RAB38: variants seen among roughly 807,000 people sequenced by gnomAD.
RAB38 encodes the protein RAB38, member RAS oncogene family, also known as ras-related protein Rab-38.
RAB38 carries 15 observed loss-of-function variants against 18.4 expected under a neutral mutation model. That is an observed-to-expected ratio of 0.82 (90% CI 0.55 to 1.26). The LOEUF (loss-of-function observed/expected upper bound fraction) is 1.26. Ranked by LOEUF, RAB38 falls within the 50% of genes most tolerant of loss-of-function variation. The pLI is 0.00. For synonymous variants in RAB38, 101 were observed against 104.4 expected (o/e 0.97, Z 0.20); for missense variants, 294 against 267.4 (o/e 1.10, Z -0.69).
the RAB38 span, among the ~76,000 whole-genome samples, chr11:87,873,526 A>C: frequency 6.6e-6 from 1 of 151,518 alleles, no homozygotes; most frequent in South Asian, 2.1e-4. Flanking sequence ...AGTAATCACC[A>C]AACCCAACCC....
intron 2 of RAB38, among the ~76,000 whole-genome samples, chr11:88,147,048 G>C (rs1942996588): frequency 6.6e-6 from 1 of 152,202 alleles, no homozygotes; most frequent in Non-Finnish European, 1.5e-5. Flanking sequence ...AGAGTGAGGT[G>C]AAAAATGTCT....
chr11:87,949,497 G>A, the RAB38 span, among the ~76,000 whole-genome samples: 1 of 152,110 alleles, frequency 6.6e-6, no homozygotes, highest in African/African-American at 2.4e-5. Context: ...GTCAATTTTA[G>A]ATCTTTCCTG....
At chr11:88,083,672 C>T in the RAB38 span, among the ~76,000 whole-genome samples, 6 of 151,830 alleles carry the variant, frequency 4.0e-5, no homozygotes, top group South Asian at 6.2e-4. Flanking sequence ...AGGGCTCTGC[C>T]GTCATGAATG....
chr11:88,022,620 A>AC, the RAB38 span, among the ~76,000 whole-genome samples: 20 of 145,128 alleles, frequency 1.4e-4, no homozygotes, highest in Admixed American at 3.4e-4. Flanking sequence ...ACAAAAAAAA[A>AC]AAAAAAAAAA....
chr11:87,849,052 A>G, the RAB38 span, among the ~76,000 whole-genome samples: 1 of 152,056 alleles, frequency 6.6e-6, no homozygotes, highest in Admixed American at 6.6e-5. Context: ...CACAGGACTT[A>G]CTTCAGTTGA....
At chr11:87,807,835 G>A in the RAB38 span, among the ~76,000 whole-genome samples, 5 of 152,188 alleles carry the variant, frequency 3.3e-5, no homozygotes, top group Non-Finnish European at 4.4e-5. Flanking sequence ...AAGCTGCAAT[G>A]TGGACCAAAC....
chr11:88,134,434 G>A (rs1208620198), intron 2 of RAB38, among the ~76,000 whole-genome samples: 2 of 152,090 alleles, frequency 1.3e-5, no homozygotes, highest in African/African-American at 4.8e-5. Flanking sequence ...TAGAAATGGG[G>A]TTTCTCCATG....
the RAB38 span, among the ~76,000 whole-genome samples, chr11:87,950,962 A>G: frequency 5.3e-5 from 8 of 152,244 alleles, no homozygotes; most frequent in Admixed American, 4.6e-4. Context: ...GTTCTCCTGG[A>G]TAATATCCTG....
intron 2 of RAB38, among the ~76,000 whole-genome samples, chr11:88,132,954 G>A (rs7104391): frequency 0.94 from 143,598 of 152,306 alleles, 67,913 homozygotes; most frequent in Middle Eastern, 0.98. Context: ...TTAGTTGACC[G>A]TAAGTACAAC....
At chr11:88,011,300 G>A in the RAB38 span, among the ~76,000 whole-genome samples, 11 of 152,132 alleles carry the variant, frequency 7.2e-5, no homozygotes, top group Non-Finnish European at 1.5e-4. Context: ...GGAACACCAC[G>A]TTGTATAAGA....
At chr11:87,811,330 G>A in the RAB38 span, among the ~76,000 whole-genome samples, 7 of 152,184 alleles carry the variant, frequency 4.6e-5, no homozygotes, top group African/African-American at 1.7e-4. Context: ...TCAAGAGAGT[G>A]TCTCTCCCAG....
the RAB38 span, among the ~76,000 whole-genome samples, chr11:87,977,513 A>C: frequency 9.4e-6 from 1 of 105,838 alleles, no homozygotes; most frequent in East Asian, 2.7e-4. Context: ...ATGATTATGT[A>C]ATTATATAGA....
intron 2 of RAB38, among the ~76,000 whole-genome samples, chr11:88,139,615 G>T (rs1324810115): frequency 6.6e-6 from 1 of 152,108 alleles, no homozygotes. Flanking sequence ...ATAAATGAAC[G>T]AATAAATGAG....
At chr11:87,889,410 C>T in the RAB38 span, among the ~76,000 whole-genome samples, 1 of 151,924 alleles carries the variant, frequency 6.6e-6, no homozygotes, top group East Asian at 2.0e-4. Flanking sequence ...TGCTCAAGAT[C>T]ACCTCATTGA....
chr11:88,128,201 C>T (rs1942727595), intron 2 of RAB38, among the ~76,000 whole-genome samples: 2 of 152,168 alleles, frequency 1.3e-5, no homozygotes, highest in South Asian at 4.1e-4. Flanking sequence ...CAGATTAAGT[C>T]CTCTTTCTGG....
chr11:88,018,385 AT>A, the RAB38 span, among the ~76,000 whole-genome samples: 17 of 152,200 alleles, frequency 1.1e-4, no homozygotes, highest in South Asian at 3.3e-3. Context: ...CCCCACTACC[AT>A]TCAAACATAG....
In RAB38 at chr11:88,113,925, A is replaced by C; in HGVS notation, c.*63T>G. On this transcript the variant is annotated 3_prime_UTR_variant, in exon 3 of 3. Transcript: ENST00000243662. Reference sequence around the variant, plus strand: ...TCCTGACGTTTACCCAAAATGGTAAAAATAGAGGCACAATTTGTGGAACAA... The same window carrying C: ...TCCTGACGTTTACCCAAAATGGTAACAATAGAGGCACAATTTGTGGAACAA... The C allele has an allele frequency of 1.9e-6, 3 of 1,595,656 alleles. No homozygotes were observed. Among genetic ancestry groups the C allele is most frequent in the Non-Finnish European group, 2.6e-6 (3 of 1,164,024 alleles).
chr11:88,046,511 C>A, the RAB38 span, among the ~76,000 whole-genome samples: 3 of 152,180 alleles, frequency 2.0e-5, no homozygotes, highest in African/African-American at 7.2e-5. Context: ...ACCCTGACAC[C>A]CATCAGGCTT....
At chr11:87,943,850 G>C in the RAB38 span, among the ~76,000 whole-genome samples, 1 of 148,878 alleles carries the variant, frequency 6.7e-6, no homozygotes. Flanking sequence ...ACAATTCTGT[G>C]AATCTCAGTT....
Sources: allele counts gnomAD v4.1 joint callset (sites outside exome capture counted in the v4.1 genomes callset), GRCh38; gene constraint gnomAD v4.1.1; transcripts MANE v1.5; gene names NCBI Gene and HGNC (gene_info 2026-07-23, HGNC 2026-07-21).